The following GLRA3 variants were observed in gnomAD, a reference collection of about 807,000 sequenced individuals.
GLRA3 encodes glycine receptor subunit alpha-3.
In GLRA3, 44 loss-of-function variants were observed where a neutral mutation model predicts 60.4. The ratio of observed to expected loss-of-function variants is 0.73; its 90% CI spans 0.57 to 0.94. The LOEUF (loss-of-function observed/expected upper bound fraction) is 0.94. Ranked by LOEUF, GLRA3 falls within the 40% of genes least tolerant of loss-of-function variation. The pLI is 0.00. For missense variants in GLRA3, 508 were observed against 564.6 expected, an observed-to-expected ratio of 0.90 and a Z score of 1.02; for synonymous variants, 223 against 192.9, an observed-to-expected ratio of 1.16 and a Z score of -1.29.
chr4:174,709,200 C>T (rs1367840269), intron 5 of GLRA3, among the ~76,000 whole-genome samples: 1 of 151,958 alleles, frequency 6.6e-6, no homozygotes, highest in Non-Finnish European at 1.5e-5. Context: ...GCAATCTAAT[C>T]CTGAGAAGGA....
chr4:174,818,642 A>G (rs28454542), intron 1 of GLRA3, among the ~76,000 whole-genome samples: 4,698 of 152,270 alleles, frequency 0.031, 215 homozygotes, highest in African/African-American at 0.11. Flanking sequence ...AATCTTTTCA[A>G]CTGTTTTAAG....
At chr4:174,773,930 A>G (rs1579584101) in intron 2 of GLRA3, among the ~76,000 whole-genome samples, 1 of 149,540 alleles carries the variant, frequency 6.7e-6, no homozygotes, top group Non-Finnish European at 1.5e-5. Context: ...CTCCACATGC[A>G]GGAAATGTTG....
At chr4:174,767,851 C>T (rs1011999394) in intron 2 of GLRA3, among the ~76,000 whole-genome samples, 3 of 152,074 alleles carry the variant, frequency 2.0e-5, no homozygotes, top group African/African-American at 7.2e-5. Flanking sequence ...ATGTAAACTC[C>T]AGATTGCAAG....
At chr4:174,814,064 G>C (rs957186987) in intron 1 of GLRA3, among the ~76,000 whole-genome samples, 5 of 152,178 alleles carry the variant, frequency 3.3e-5, no homozygotes, top group Non-Finnish European at 7.4e-5. Context: ...GCATCAAGGG[G>C]GGGTATCCAT....
intron 5 of GLRA3, chr4:174,712,423 C>T (rs1180253438): frequency 6.6e-6 from 1 of 152,058 alleles, no homozygotes; most frequent in East Asian, 1.9e-4. Context: ...TACCACCCAA[C>T]ATAATATGTG....
intron 2 of GLRA3, among the ~76,000 whole-genome samples, chr4:174,786,311 C>G (rs1442216238): frequency 1.3e-5 from 2 of 151,928 alleles, no homozygotes; most frequent in East Asian, 1.9e-4. Flanking sequence ...TGTGAACTAC[C>G]ACAGAGAAAA....
At chr4:174,814,561 T>C (rs1325215051) in intron 1 of GLRA3, among the ~76,000 whole-genome samples, 1 of 152,122 alleles carries the variant, frequency 6.6e-6, no homozygotes, top group Non-Finnish European at 1.5e-5. Flanking sequence ...GACTGGGCAA[T>C]TTACAAAAGA....
chr4:174,690,094 T>C (rs1337093481), intron 5 of GLRA3, among the ~76,000 whole-genome samples: 2 of 152,204 alleles, frequency 1.3e-5, no homozygotes, highest in African/African-American at 4.8e-5. Flanking sequence ...ACAAGTCAGA[T>C]GCAGAAGACA....
chr4:174,706,957 T>C (rs532803311), intron 5 of GLRA3, among the ~76,000 whole-genome samples: 1 of 152,276 alleles, frequency 6.6e-6, no homozygotes, highest in Non-Finnish European at 1.5e-5. Context: ...ATTAGGGTCA[T>C]AAAGGAAAAG....
Position 174,642,726 on chromosome 4 carries a change from T to G in GLRA3, c.*1060A>C. ...ATGACTTACTTATATCATTTAAAAT[T>G]AAAACTTTCCCTACTTATATTTGGA... On this transcript the variant is annotated 3_prime_UTR_variant, in exon 10 of 10. Transcript: ENST00000274093. 1 of 725,966 alleles carries G rather than the reference T, an allele frequency of 1.4e-6. No homozygotes were observed. Among genetic ancestry groups the G allele is most frequent in the Non-Finnish European group, 1.7e-6 (1 of 593,718 alleles). The allele number at this position is 725,966 out of a possible 1,614,324, so 45.0% of individuals were successfully genotyped here.
chr4:174,702,593 A>C (rs186802073), intron 5 of GLRA3, among the ~76,000 whole-genome samples: 9 of 152,046 alleles, frequency 5.9e-5, no homozygotes, highest in Admixed American at 5.9e-4. Flanking sequence ...TTTGAGACAG[A>C]GTCTTGCTCT....
At position 174,697,025 on chromosome 4, in the gene GLRA3, C is replaced by T. The variant is rs576009488; in HGVS notation, c.575-14086G>A. Among the ~76,000 whole-genome samples, 5 of 152,208 alleles carry T rather than the reference C, an allele frequency of 3.3e-5. No homozygotes were observed. In the South Asian group the frequency reaches 1.0e-3, roughly 32 times the overall value. ...AATACATTCAAATTTATTACATTAT[C>T]ACTTTTTAAAAATCATAAAATCTTT... On this transcript the variant is annotated intron_variant, in intron 5 of 9. Coordinates refer to ENST00000274093, the MANE Select transcript of GLRA3 (RefSeq NM_006529.4).
rs1231206142 is a variant in GLRA3, at chr4:174,706,230, AG to A, written c.574+9257del. ...GGGCGAAAGGGCGAGACTCCGTCTCAGAAAAAAAAAAGAAAAAAAAAATGTT... is the reference window on the plus strand; with the variant it reads ...GGGCGAAAGGGCGAGACTCCGTCTCAAAAAAAAAAAGAAAAAAAAAATGTT... On this transcript the variant is annotated intron_variant, in intron 5 of 9. Coordinates refer to ENST00000274093, the MANE Select transcript of GLRA3 (RefSeq NM_006529.4). Among the ~76,000 whole-genome samples the A allele has an allele frequency of 2.0e-3, 262 of 133,288 alleles. 1 individual carries two copies. The highest frequency in any genetic ancestry group is 6.3e-3 in the African/African-American group (224 of 35,782). 87.4% of individuals were successfully genotyped at this position (133,288 alleles called of 152,430 possible).
At chr4:174,663,071 T>C (rs546000348) in intron 7 of GLRA3, among the ~76,000 whole-genome samples, 14 of 152,280 alleles carry the variant, frequency 9.2e-5, no homozygotes, top group South Asian at 2.1e-4. Context: ...ATTGGGTTGA[T>C]TTTCTTTTTG....
intron 5 of GLRA3, among the ~76,000 whole-genome samples, chr4:174,703,650 A>G (rs1735406939): frequency 6.6e-6 from 1 of 152,032 alleles, no homozygotes; most frequent in Admixed American, 6.6e-5. Flanking sequence ...GTGGTCTTCT[A>G]TGTTTAAAGA....
intron 5 of GLRA3, among the ~76,000 whole-genome samples, chr4:174,704,324 G>T (rs1484181400): frequency 7.0e-6 from 1 of 143,072 alleles, no homozygotes; most frequent in Non-Finnish European, 1.6e-5. Flanking sequence ...GAGTAGTAAA[G>T]AATAGCAGCA....
chr4:174,639,731 G>A lies in GLRA3; in HGVS notation c.*4055C>T, dbSNP rs995686391. 2.0e-5 allele frequency: 3 copies of A among 152,022 alleles called. No individual in the cohort carries two copies. The highest frequency in any genetic ancestry group is 4.4e-5 in the Non-Finnish European group (3 of 67,964). The allele number at this position is 152,022 out of a possible 1,614,324, so 9.4% of individuals were successfully genotyped here. A position where few individuals can be genotyped will look rare whatever the true frequency, so the allele number is the denominator to read the frequency against. ...TATCACTATGTTTGTAAAGAGGAAT[G>A]GGGGCTGAGATAAAAGTTTAATTTT... On this transcript the variant is annotated 3_prime_UTR_variant, in exon 10 of 10. Transcript: ENST00000274093.
Position 174,814,179 on chromosome 4 carries a change from C to A in GLRA3, c.71+14562G>T, listed in dbSNP as rs1212329515. On this transcript the variant is annotated intron_variant, in intron 1 of 9. Coordinates refer to ENST00000274093, the MANE Select transcript of GLRA3 (RefSeq NM_006529.4). ...GCTCAATAGGGGGTCAGGGTGACAG[C>A]CTTTTGCACTTGCCTTCTTAGTACC... is the stretch of plus-strand genomic sequence containing the variant. 7.2e-5 allele frequency among the ~76,000 whole-genome samples: 11 copies of A among 152,254 alleles called. No individual in the cohort carries two copies. In the East Asian group the frequency reaches 2.1e-3, roughly 29 times the overall value.
At chr4:174,761,388 T>A (rs1252600334) in intron 3 of GLRA3, among the ~76,000 whole-genome samples, 5 of 152,234 alleles carry the variant, frequency 3.3e-5, no homozygotes, top group East Asian at 3.9e-4. Context: ...TGTATGAAAA[T>A]TGAAAAACTG....
Sources: allele counts gnomAD v4.1 joint callset (sites outside exome capture counted in the v4.1 genomes callset), GRCh38; gene constraint gnomAD v4.1.1; transcripts MANE v1.5; gene names NCBI Gene and HGNC (gene_info 2026-07-23, HGNC 2026-07-21).